PIK3R4: variants seen among roughly 807,000 people sequenced by gnomAD.
PIK3R4 encodes the protein phosphoinositide 3-kinase regulatory subunit 4.
In PIK3R4, 46 loss-of-function variants were observed where a neutral mutation model predicts 136.5. The ratio of observed to expected loss-of-function variants is 0.34; its 90% CI spans 0.27 to 0.43. The LOEUF (loss-of-function observed/expected upper bound fraction) is 0.43. Ranked by LOEUF, PIK3R4 falls within the 20% of genes least tolerant of loss-of-function variation. The pLI, the probability that PIK3R4 is intolerant of heterozygous loss-of-function variation, is 1.00. For synonymous variants in PIK3R4, 557 were observed against 566.7 expected (o/e 0.98, Z 0.24); for missense variants, 1,331 against 1,649.5 (o/e 0.81, Z 3.35).
chr3:130,697,165 G>A (rs1044854194), intron 13 of PIK3R4, among the ~76,000 whole-genome samples: 6 of 148,908 alleles, frequency 4.0e-5, no homozygotes, highest in Non-Finnish European at 8.9e-5. Context: ...CACCTCCCGG[G>A]TTCAAGCAGT....
In PIK3R4 at chr3:130,745,289, G is replaced by T. The variant is rs1303493913; in HGVS notation, c.-46-25C>A. ...CCTGTTTAAAATAAAAACAAATGAA[G>T]AAAAAAGACAAGAAACAAAGAAGCT... On this transcript the variant is annotated intron_variant, in intron 1 of 19. Coordinates refer to ENST00000356763, the MANE Select transcript of PIK3R4 (RefSeq NM_014602.3). 2.0e-5 allele frequency: 28 copies of T among 1,410,760 alleles called. No individual in the cohort carries two copies. The South Asian group carries it at 3.7e-4, about 19-fold the overall frequency. The allele number at this position is 1,410,760 out of a possible 1,614,324, so 87.4% of individuals were successfully genotyped here. A position where few individuals can be genotyped will look rare whatever the true frequency, so the allele number is the denominator to read the frequency against.
chr3:130,683,924 A>G (rs191004572), intron 16 of PIK3R4, among the ~76,000 whole-genome samples: 1 of 152,310 alleles, frequency 6.6e-6, no homozygotes, highest in Admixed American at 6.5e-5. Flanking sequence ...AGAAATTGCA[A>G]CAAAGAAGGA....
At chr3:130,680,854 TG>T (rs2066453792) in intron 18 of PIK3R4, 122 bp downstream of exon 18, 5 of 754,058 alleles carry the variant, frequency 6.6e-6, no homozygotes, top group Non-Finnish European at 1.1e-5. Context: ...AGCATACCAT[TG>T]GTTACAAATA....
chr3:130,720,698 A>G lies in PIK3R4; in HGVS notation c.1982-2164T>C, dbSNP rs777247791. 6.5e-4 allele frequency among the ~76,000 whole-genome samples: 99 copies of G among 152,312 alleles called. 1 individual carries two copies. Among genetic ancestry groups the G allele is most frequent in the Middle Eastern group, 3.4e-3 (1 of 294 alleles). On this transcript the variant is annotated intron_variant, in intron 7 of 19. Transcript: ENST00000356763. ...AAAAAATCTGTTTTAACAACTATCA[A>G]TGCATGAAAACACCATTACAAAGGA...
At chr3:130,698,284 C>A (rs1483826502) in intron 13 of PIK3R4, among the ~76,000 whole-genome samples, 1 of 152,132 alleles carries the variant, frequency 6.6e-6, no homozygotes, top group Non-Finnish European at 1.5e-5. Context: ...TTCAAATATT[C>A]TTTCTGTCCC....
intron 7 of PIK3R4, among the ~76,000 whole-genome samples, chr3:130,722,043 GAA>G (rs140015441): frequency 6.7e-6 from 1 of 149,766 alleles, no homozygotes; most frequent in African/African-American, 2.5e-5. Flanking sequence ...TAAAGCTGGG[GAA>G]AAAAAAATCA....
At chr3:130,738,927 G>C (rs1300086995) in intron 2 of PIK3R4, among the ~76,000 whole-genome samples, 1 of 152,272 alleles carries the variant, frequency 6.6e-6, no homozygotes, top group East Asian at 1.9e-4. Context: ...ACTGTTGAAT[G>C]TGGAGGACGT....
chr3:130,733,446 T>C lies in PIK3R4; in HGVS notation c.1450+102A>G, dbSNP rs544937518. On this transcript the variant is annotated intron_variant, in intron 4 of 19. Transcript: ENST00000356763. ...TACACAAATAGTTCAAAGAGCAAAG[T>C]TCATACTTGCAATTCTCAAACAAAT... is the stretch of plus-strand genomic sequence containing the variant. 45 of 727,392 alleles carry C rather than the reference T, an allele frequency of 6.2e-5. No homozygotes were observed. In the African/African-American group the frequency reaches 7.7e-4, roughly 12 times the overall value. 45.1% of individuals were successfully genotyped at this position (727,392 alleles called of 1,614,324 possible). A position where few individuals can be genotyped will look rare whatever the true frequency, so the allele number is the denominator to read the frequency against.
chr3:130,681,986 G>C (rs1359749964), intron 16 of PIK3R4, among the ~76,000 whole-genome samples: 1 of 152,132 alleles, frequency 6.6e-6, no homozygotes, highest in African/African-American at 2.4e-5. Context: ...AGTAATGCTG[G>C]TCATTTTCCA....
intron 9 of PIK3R4, among the ~76,000 whole-genome samples, chr3:130,712,661 T>C (rs1421687021): frequency 6.7e-6 from 1 of 150,258 alleles, no homozygotes; most frequent in East Asian, 1.9e-4. Context: ...ACAAACTCCA[T>C]CTCAATTAAA....
intron 8 of PIK3R4, among the ~76,000 whole-genome samples, chr3:130,717,869 T>C (rs941902612): frequency 6.6e-6 from 1 of 152,198 alleles, no homozygotes; most frequent in Admixed American, 6.5e-5. Flanking sequence ...AGGTGAATAA[T>C]ATTTGCCCTG....
intron 7 of PIK3R4, among the ~76,000 whole-genome samples, chr3:130,720,033 A>G: frequency 6.6e-6 from 1 of 152,282 alleles, no homozygotes; most frequent in East Asian, 1.9e-4. Flanking sequence ...CCACAGGTGC[A>G]TGACGAAAAA....
Position 130,733,784 on chromosome 3 carries a change from A to C in PIK3R4, c.1214T>G (p.Leu405Trp). The C allele has an allele frequency of 6.2e-7, 1 of 1,614,182 alleles. No individual in the cohort carries two copies. Residue 405 changes from leucine (L) to tryptophan (W), a missense_variant, in exon 4 of 20, where the codon TTG becomes TGG. Physicochemically the swap from Leu to Trp is moderately conservative, Grantham distance 61. Around this residue, in one of 2 missense-constraint regions of PIK3R4, gnomAD observed 1,180 missense variants for 1,407.0 expected, o/e 0.84. Transcript: ENST00000356763. ...KLAALELILH[L>W]APRLSVEILL... ...GATTTCAACACTTAATCTTGGAGCC[A>C]AATGAAGAATCAGTTCCAAAGCAGC...
chr3:130,715,662 T>A (rs1295978391), intron 9 of PIK3R4, among the ~76,000 whole-genome samples: 3 of 152,220 alleles, frequency 2.0e-5, no homozygotes, highest in African/African-American at 7.2e-5. Flanking sequence ...ATTAGATCTT[T>A]GTCAGATGGG....
intron 15 of PIK3R4, 44 bp from the exon 16 acceptor site, chr3:130,684,425 G>C: frequency 2.6e-6 from 4 of 1,557,880 alleles, no homozygotes; most frequent in Non-Finnish European, 3.5e-6. Context: ...AATGATCAAA[G>C]TGCATCAAGC....
rs965941646 is a variant in PIK3R4, at chr3:130,716,442, G to A, written c.2285C>T (p.Pro762Leu). 6.2e-7 allele frequency: 1 copy of A among 1,614,210 alleles called. No individual in the cohort carries two copies. Among genetic ancestry groups the A allele is most frequent in the Non-Finnish European group, 8.5e-7 (1 of 1,180,034 alleles). Residue 762 changes from proline (P) to leucine (L), a missense_variant, in exon 9 of 20, where the codon CCA (proline) becomes CTA (leucine). This residue lies in a region of PIK3R4 where 1,180 missense variants were observed against 1,407.0 expected (regional missense o/e 0.84). Coordinates refer to ENST00000356763, the MANE Select transcript of PIK3R4 (RefSeq NM_014602.3). ...RNGSLPDCPP[P>L]EDPAIAQLLK... ...AAGCTGTGCTATGGCAGGATCCTCT[G>A]GCGGAGGGCAGTCGGGAAGAGAACC... is the stretch of plus-strand genomic sequence containing the variant.
Position 130,730,359 on chromosome 3 carries a change from T to C in PIK3R4, c.1534A>G (p.Asn512Asp). The change falls in exon 5 of 20, where the codon AAT becomes GAT. Residue 512 changes from asparagine (N) to aspartate (D), a missense_variant. By Grantham distance (23) the Asn-to-Asp change is conservative. Coordinates refer to ENST00000356763, the MANE Select transcript of PIK3R4 (RefSeq NM_014602.3). ...LKNLNMENDP[N>D]NEEIDEVTHP... is the part of the protein sequence containing the mutation. ...GTAACCTCATCTATTTCTTCATTAT[T>C]GGGGTCATTTTCCATATTAAGATTT... The C allele has an allele frequency of 6.2e-7, 1 of 1,601,904 alleles. No homozygotes were observed. Among genetic ancestry groups the C allele is most frequent in the Non-Finnish European group, 8.5e-7 (1 of 1,173,606 alleles).
At chr3:130,703,534 G>A (rs1376346049) in intron 13 of PIK3R4, among the ~76,000 whole-genome samples, 189 bp downstream of exon 13, 2 of 151,928 alleles carry the variant, frequency 1.3e-5, no homozygotes, top group African/African-American at 4.8e-5. Flanking sequence ...TAACACATTA[G>A]CTGTTTTACT....
intron 8 of PIK3R4, 43 bp downstream of exon 8, chr3:130,718,344 GCA>G: frequency 6.5e-7 from 1 of 1,539,966 alleles, no homozygotes; most frequent in Non-Finnish European, 8.9e-7. Context: ...TTTTAAAGAG[GCA>G]CAGTTTGGAG....
Sources: gnomAD v4.1 joint callset for allele counts (sites outside exome capture counted in the v4.1 genomes callset) on GRCh38, gnomAD v4.1.1 for gene constraint, gnomAD v4.1.1 regional missense constraint, MANE v1.5 for transcripts, NCBI Gene and HGNC (gene_info 2026-07-23, HGNC 2026-07-21) for gene names.